The following C21orf58 variants were observed in gnomAD, a reference collection of about 807,000 sequenced individuals.
C21orf58 encodes chromosome 21 open reading frame 58, also known as uncharacterized protein C21orf58.
Under a neutral mutation model 35.8 loss-of-function variants are expected in C21orf58, and 34 were observed. The ratio of observed to expected loss-of-function variants is 0.95; its 90% CI spans 0.72 to 1.26. C21orf58 has a LOEUF of 1.26. C21orf58 is among the 50% of genes most tolerant of loss of function. The probability of loss-of-function intolerance (pLI) is 0.00; values close to 1 mark genes in which losing one functional copy is unlikely to be tolerated. For synonymous variants in C21orf58, 191 were observed against 175.8 expected (o/e 1.09, Z -0.68); for missense variants, 440 against 414.3 (o/e 1.06, Z -0.54).
intron 2 of C21orf58, 101 bp from the exon 3 acceptor site, chr21:46,317,369 G>T: frequency 6.5e-7 from 1 of 1,537,882 alleles, no homozygotes; most frequent in Non-Finnish European, 8.7e-7. Flanking sequence ...AGAATGGTAC[G>T]TCAGGAGTAA....
chr21:46,309,263 C>A (rs1430780072), intron 6 of C21orf58, among the ~76,000 whole-genome samples: 2 of 152,020 alleles, frequency 1.3e-5, no homozygotes, highest in Admixed American at 1.3e-4. Context: ...GAATTTGATA[C>A]CAGCCTGGTC....
In C21orf58 at chr21:46,302,027, G is replaced by C; in HGVS notation, c.941C>G (p.Pro314Arg). Residue 314 changes from proline to arginine, a missense_variant, in exon 8 of 8, where the codon CCC (proline) becomes CGC (arginine). By Grantham distance (103) the Pro-to-Arg change is moderately radical. Transcript: ENST00000291691. ...GGGTGGGCCAGGCGTCCACAGGCTG[G>C]GGGCGGGCTGGAGGACAGTGGCAGC... ...PGAATVLQPA[P>R]SLWTPGPP 1.4e-5 allele frequency: 22 copies of C among 1,536,294 alleles called. No individual in the cohort carries two copies. Among genetic ancestry groups the C allele is most frequent in the Non-Finnish European group, 1.9e-5 (22 of 1,140,982 alleles).
intron 1 of C21orf58, 147 bp downstream of exon 1, chr21:46,322,492 G>C (rs540612158): frequency 1.8e-5 from 23 of 1,273,650 alleles, no homozygotes; most frequent in Admixed American, 1.2e-4. Flanking sequence ...TCTGTTCCTG[G>C]AAAGTGTGAT....
rs1037557009 is a variant in C21orf58 at position 46,319,779 on chromosome 21, C to G, written c.101-1559G>C. Among the ~76,000 whole-genome samples the G allele has an allele frequency of 2.0e-5, 3 of 151,990 alleles. No homozygotes were observed. In the East Asian group the frequency reaches 5.8e-4, roughly 29 times the overall value. On this transcript the variant is annotated intron_variant, in intron 1 of 7. Coordinates refer to ENST00000291691, the MANE Select transcript of C21orf58 (RefSeq NM_058180.5). ...AGGCGTCGTGGTAGGCGCCTGTAAT[C>G]CCAGCTACTCGGGAGGCTGAGGCAG...
chr21:46,314,836 G>C lies in C21orf58; in HGVS notation c.489C>G (p.Ser163Arg). Residue 163 changes from serine (S) to arginine (R), a missense_variant, in exon 5 of 8, where the codon AGC becomes AGG. By Grantham distance (110) the Ser-to-Arg change is moderately radical. Coordinates refer to ENST00000291691, the MANE Select transcript of C21orf58 (RefSeq NM_058180.5). ...LDELSRAQAWSGPSRGALGSA... is the reference protein window; with the variant it reads ...LDELSRAQAWRGPSRGALGSA... ...ACCCGAGGGCTCCTCTGCTTGGCCC[G>C]CTCCAGGCCTGGGCCCGAGAGAGCT... The C allele has an allele frequency of 6.5e-7, 1 of 1,550,036 alleles. No individual in the cohort carries two copies. Among genetic ancestry groups the C allele is most frequent in the South Asian group, 1.2e-5 (1 of 84,026 alleles).
chr21:46,308,878 C>T (rs1311044878), intron 6 of C21orf58, among the ~76,000 whole-genome samples: 1 of 152,168 alleles, frequency 6.6e-6, no homozygotes, highest in Non-Finnish European at 1.5e-5. Context: ...CTGAGCTAGC[C>T]ATCAGCACAC....
In C21orf58 at chr21:46,301,877, G is replaced by A. The variant is rs927380444; in HGVS notation, c.*122C>T. Reference sequence around the variant, plus strand: ...GGAGGAGCCTGCAGTCCACACTCGCGTAGCCACTCCGGGTGGTGGCAGGGT... The same window carrying A: ...GGAGGAGCCTGCAGTCCACACTCGCATAGCCACTCCGGGTGGTGGCAGGGT... On this transcript the variant is annotated 3_prime_UTR_variant, in exon 8 of 8. Transcript: ENST00000291691. 60 of 1,325,412 alleles carry A rather than the reference G, an allele frequency of 4.5e-5. No individual in the cohort carries two copies. In the Middle Eastern group the frequency reaches 1.4e-3, roughly 30 times the overall value. The allele number at this position is 1,325,412 out of a possible 1,614,324, so 82.1% of individuals were successfully genotyped here.
chr21:46,306,130 C>T (rs1245852334), intron 6 of C21orf58, among the ~76,000 whole-genome samples: 2 of 151,314 alleles, frequency 1.3e-5, no homozygotes, highest in Non-Finnish European at 2.9e-5. Context: ...TGGGCAAGCC[C>T]AGTGCAATCA....
In C21orf58 at chr21:46,314,844, C is replaced by A; in HGVS notation, c.481G>T (p.Ala161Ser). 1 of 1,550,336 alleles carries A rather than the reference C, an allele frequency of 6.5e-7. No homozygotes were observed. The highest frequency in any genetic ancestry group is 8.7e-7 in the Non-Finnish European group (1 of 1,146,862). The change falls in exon 5 of 8, where the codon GCC becomes TCC. Residue 161 changes from alanine to serine, a missense_variant. Coordinates refer to ENST00000291691, the MANE Select transcript of C21orf58 (RefSeq NM_058180.5). ...GCTCCTCTGCTTGGCCCGCTCCAGG[C>A]CTGGGCCCGAGAGAGCTCGTCCAGG... is the stretch of plus-strand genomic sequence containing the variant. ...HLLDELSRAQ[A>S]WSGPSRGALG...
intron 5 of C21orf58, among the ~76,000 whole-genome samples, 177 bp downstream of exon 5, chr21:46,314,539 C>T (rs945564812): frequency 2.6e-5 from 4 of 152,202 alleles, no homozygotes; most frequent in African/African-American, 7.2e-5. Flanking sequence ...GTAAGCAGTC[C>T]GGGGAGGCCC....
At chr21:46,309,294 C>A (rs1032242358) in intron 6 of C21orf58, among the ~76,000 whole-genome samples, 64 of 152,184 alleles carry the variant, frequency 4.2e-4, no homozygotes, top group African/African-American at 1.4e-3. Flanking sequence ...AACCCCGTCT[C>A]TACTAAAAAC....
intron 1 of C21orf58, among the ~76,000 whole-genome samples, chr21:46,321,855 C>T (rs962747989): frequency 6.8e-6 from 1 of 147,920 alleles, no homozygotes; most frequent in Non-Finnish European, 1.5e-5. Context: ...AGGGGAGTTA[C>T]GTTTCCCTCC....
At chr21:46,316,017 G>C (rs1401903035) in intron 3 of C21orf58, among the ~76,000 whole-genome samples, 1 of 152,082 alleles carries the variant, frequency 6.6e-6, no homozygotes, top group East Asian at 1.9e-4. Flanking sequence ...CGGGCGTGGT[G>C]GCTCATGCCT....
At chr21:46,315,180 C>T in intron 4 of C21orf58, 1 of 650,324 alleles carries the variant, frequency 1.5e-6, no homozygotes, top group Non-Finnish European at 2.6e-6. Flanking sequence ...GCGGCCCCAC[C>T]TCCCCTGCAT....
intron 5 of C21orf58, among the ~76,000 whole-genome samples, chr21:46,314,320 C>T (rs888882450): frequency 2.0e-5 from 3 of 152,096 alleles, no homozygotes; most frequent in Non-Finnish European, 4.4e-5. Flanking sequence ...TCAGGTGATC[C>T]GCCCGCCTCG....
At chr21:46,315,252 A>G (rs1448158896) in intron 4 of C21orf58, 1 of 594,436 alleles carries the variant, frequency 1.7e-6, no homozygotes, top group Non-Finnish European at 3.0e-6. Context: ...GCATCCCAGA[A>G]TTTCAGGTCC....
intron 1 of C21orf58, chr21:46,320,524 A>T (rs1601710663): frequency 6.6e-6 from 1 of 151,906 alleles, no homozygotes; most frequent in Non-Finnish European, 1.5e-5. Context: ...AAAAAAAAAA[A>T]AAAAAAAAAA....
Position 46,322,691 on chromosome 21 carries a change from C to A in C21orf58, c.48G>T (p.Lys16Asn). 1.3e-6 allele frequency: 2 copies of A among 1,579,644 alleles called. No homozygotes were observed. The highest frequency in any genetic ancestry group is 1.7e-6 in the Non-Finnish European group (2 of 1,162,206). The part of the protein sequence containing the change: ...LPATSLRKPW[K>N]LDRQKLPSPD... ...GAGAAGGAAGTTTCTGGCGGTCGAGCTTCCACGGCTTCCTGAGGGAGGTTG... is the reference window on the plus strand; with the variant it reads ...GAGAAGGAAGTTTCTGGCGGTCGAGATTCCACGGCTTCCTGAGGGAGGTTG... Residue 16 changes from lysine to asparagine, a missense_variant, in exon 1 of 8, where the codon AAG (lysine) becomes AAT (asparagine). Transcript: ENST00000291691.
chr21:46,321,702 CGACTAT>C lies in C21orf58; in HGVS notation c.100+931_100+936del, dbSNP rs149045138. On this transcript the variant is annotated intron_variant, in intron 1 of 7. Transcript: ENST00000291691. ...ACATCAGGGACACACACTGTCACCT[CGACTAT>C]AACTGTGAGGCTGACCTGCGTCACT... 1.4e-3 allele frequency among the ~76,000 whole-genome samples: 219 copies of C among 152,300 alleles called. 1 individual carries two copies. In the East Asian group the frequency reaches 0.035, roughly 24 times the overall value.
Sources: allele counts gnomAD v4.1 joint callset (sites outside exome capture counted in the v4.1 genomes callset), GRCh38; gene constraint gnomAD v4.1.1; transcripts MANE v1.5; gene names NCBI Gene and HGNC (gene_info 2026-07-23, HGNC 2026-07-21).